Variants in SFRP1 observed in about 807,000 individuals in gnomAD.
SFRP1 encodes secreted frizzled-related protein 1.
SFRP1 carries 9 observed loss-of-function variants against 25.9 expected under a neutral mutation model. The observed-to-expected ratio is 0.35, with a 90% CI of 0.21 to 0.61. The LOEUF (loss-of-function observed/expected upper bound fraction) is 0.61, where lower values mean the gene tolerates loss of function less well. Ranked by LOEUF, SFRP1 falls within the 20% of genes least tolerant of loss-of-function variation. The probability of loss-of-function intolerance (pLI) is 0.78; values close to 1 mark genes in which losing one functional copy is unlikely to be tolerated. For missense variants in SFRP1, 346 were observed against 418.2 expected, an observed-to-expected ratio of 0.83 and a Z score of 1.51; for synonymous variants, 178 against 174.0, an observed-to-expected ratio of 1.02 and a Z score of -0.18.
At chr8:41,268,723 G>A (rs916718832) in intron 2 of SFRP1, among the ~76,000 whole-genome samples, 3 of 152,162 alleles carry the variant, frequency 2.0e-5, no homozygotes, top group African/African-American at 7.2e-5. Context: ...GAGCTGTCCC[G>A]GGTGGATTTT....
intron 2 of SFRP1, among the ~76,000 whole-genome samples, chr8:41,291,456 G>A (rs1803778734): frequency 1.3e-5 from 2 of 152,078 alleles, no homozygotes; most frequent in South Asian, 2.1e-4. Context: ...ATCTCCACTG[G>A]GATTATCTTC....
intron 2 of SFRP1, among the ~76,000 whole-genome samples, chr8:41,302,571 C>T (rs948785245): frequency 6.6e-6 from 1 of 152,226 alleles, no homozygotes; most frequent in African/African-American, 2.4e-5. Context: ...CAGCATCACA[C>T]TGAGTCTTCT....
At chr8:41,296,705 A>T (rs1466494383) in intron 2 of SFRP1, among the ~76,000 whole-genome samples, 1 of 152,200 alleles carries the variant, frequency 6.6e-6, no homozygotes, top group East Asian at 1.9e-4. Context: ...AGAAAAATGG[A>T]GAACAAAGTG....
At chr8:41,302,587 T>C (rs928491393) in intron 2 of SFRP1, among the ~76,000 whole-genome samples, 3 of 152,242 alleles carry the variant, frequency 2.0e-5, no homozygotes, top group African/African-American at 4.8e-5. Context: ...CTTCTGAAAG[T>C]GTGGCTTGGC....
intron 2 of SFRP1, among the ~76,000 whole-genome samples, chr8:41,280,083 C>T (rs996781220): frequency 6.6e-6 from 1 of 152,228 alleles, no homozygotes; most frequent in Non-Finnish European, 1.5e-5. Context: ...AGCCTGGGCC[C>T]AAGCCACACA....
Position 41,296,433 on chromosome 8 carries a change from G to A in SFRP1, c.622+7028C>T, listed in dbSNP as rs1015872765. Among the ~76,000 whole-genome samples the A allele has an allele frequency of 9.2e-5, 14 of 151,778 alleles. No individual in the cohort carries two copies. The Middle Eastern group carries it at 0.01, about 111-fold the overall frequency. On this transcript the variant is annotated intron_variant, in intron 2 of 2. Coordinates refer to ENST00000220772, the MANE Select transcript of SFRP1 (RefSeq NM_003012.5). ...CTTTGAGAAGCCTTCCAAAGCGAAG[G>A]CATGTTTAATTGGCTGCCCTAAGGT... is the stretch of plus-strand genomic sequence containing the variant.
intron 2 of SFRP1, among the ~76,000 whole-genome samples, chr8:41,284,257 C>T (rs1383488475): frequency 5.9e-5 from 9 of 152,040 alleles, no homozygotes; most frequent in Non-Finnish European, 8.8e-5. Context: ...TTATGGAAAC[C>T]GGCCACACTG....
At chr8:41,273,550 T>C (rs1803537031) in intron 2 of SFRP1, among the ~76,000 whole-genome samples, 1 of 152,172 alleles carries the variant, frequency 6.6e-6, no homozygotes, top group African/African-American at 2.4e-5. Context: ...TGGGTTACAA[T>C]GTGATGTTTT....
chr8:41,277,252 G>C (rs1475060071), intron 2 of SFRP1, among the ~76,000 whole-genome samples: 2 of 151,132 alleles, frequency 1.3e-5, no homozygotes, highest in African/African-American at 4.9e-5. Context: ...TGGAGGGAGA[G>C]AAAGAAGAAT....
intron 2 of SFRP1, among the ~76,000 whole-genome samples, chr8:41,301,800 C>T (rs961941803): frequency 1.3e-5 from 2 of 152,208 alleles, no homozygotes; most frequent in African/African-American, 4.8e-5. Flanking sequence ...ACTCAGATTC[C>T]ACAAACCGTG....
intron 2 of SFRP1, among the ~76,000 whole-genome samples, chr8:41,272,860 A>T (rs1436786921): frequency 6.6e-6 from 1 of 152,236 alleles, no homozygotes; most frequent in Non-Finnish European, 1.5e-5. Context: ...AGGTTAAACA[A>T]CACCCAGCTC....
At chr8:41,268,021 C>A (rs1221058325) in intron 2 of SFRP1, among the ~76,000 whole-genome samples, 1 of 152,158 alleles carries the variant, frequency 6.6e-6, no homozygotes, top group East Asian at 1.9e-4. Context: ...TTTGTGAAAG[C>A]TTTATTATTT....
Position 41,308,815 on chromosome 8 carries a change from C to A in SFRP1, c.345G>T (p.Ser115=), listed in dbSNP as rs1412215578. ...CHAGTQVFLC[S]LFAPVCLDRP... ...GGTCCAGGCAGACGGGCGCGAAGAG[C>A]GAGCAGAGGAAGACCTGGGTGCCGG... The change falls in exon 1 of 3, where the codon TCG becomes TCT. Residue 115 remains serine (S), a synonymous_variant. Transcript: ENST00000220772. 1.2e-6 allele frequency: 2 copies of A among 1,610,342 alleles called. No homozygotes were observed. The highest frequency in any genetic ancestry group is 1.7e-5 in the Admixed American group (1 of 59,932).
chr8:41,276,369 CCA>C (rs1803572422), intron 2 of SFRP1, among the ~76,000 whole-genome samples: 1 of 152,252 alleles, frequency 6.6e-6, no homozygotes, highest in South Asian at 2.1e-4. Flanking sequence ...CAACCTCCTT[CCA>C]ACACTCAGCA....
chr8:41,280,373 C>G lies in SFRP1; in HGVS notation c.623-14884G>C, dbSNP rs996384741. On this transcript the variant is annotated intron_variant, in intron 2 of 2. Coordinates refer to ENST00000220772, the MANE Select transcript of SFRP1 (RefSeq NM_003012.5). The stretch of plus-strand genomic sequence containing the variant: ...CTAAAAAGCTAAGAGGAATCAGCAC[C>G]CGGTCCTATGTCAAAGCTGGCCTTA... 3.9e-5 allele frequency among the ~76,000 whole-genome samples: 6 copies of G among 152,334 alleles called. No individual in the cohort carries two copies. The South Asian group carries it at 1.0e-3, about 26-fold the overall frequency.
At chr8:41,284,225 T>C (rs537540813) in intron 2 of SFRP1, among the ~76,000 whole-genome samples, 1 of 152,194 alleles carries the variant, frequency 6.6e-6, no homozygotes, top group South Asian at 2.1e-4. Context: ...GAACGGCAGC[T>C]CCAGGTGCAG....
chr8:41,302,244 G>T, intron 2 of SFRP1, among the ~76,000 whole-genome samples: 1 of 152,100 alleles, frequency 6.6e-6, no homozygotes, highest in African/African-American at 2.4e-5. Context: ...CAGGATACGC[G>T]CTCTCCAGTT....
At chr8:41,287,425 G>A (rs1056259159) in intron 2 of SFRP1, among the ~76,000 whole-genome samples, 20 of 152,326 alleles carry the variant, frequency 1.3e-4, no homozygotes, top group Middle Eastern at 3.4e-3. Context: ...TCGGAGGAAC[G>A]TCATGGAGAG....
At chr8:41,308,384 C>T (rs1192037376) in intron 1 of SFRP1, among the ~76,000 whole-genome samples, 1 of 152,154 alleles carries the variant, frequency 6.6e-6, no homozygotes, top group Non-Finnish European at 1.5e-5. Context: ...GCAGAGCTGC[C>T]GCTCCCGGGC....
Sources: allele counts gnomAD v4.1 joint callset (sites outside exome capture counted in the v4.1 genomes callset), GRCh38; gene constraint gnomAD v4.1.1; transcripts MANE v1.5; gene names NCBI Gene and HGNC (gene_info 2026-07-23, HGNC 2026-07-21).